The following GABRQ variants were observed in gnomAD, a reference collection of about 807,000 sequenced individuals.
The protein encoded by GABRQ is gamma-aminobutyric acid receptor subunit theta.
Under a neutral mutation model 30.5 loss-of-function variants are expected in GABRQ, and 19 were observed. That is an observed-to-expected ratio of 0.62 (90% CI 0.43 to 0.91). The LOEUF is 0.91. Among genes scored for constraint, GABRQ ranks in the 40% least tolerant of loss-of-function variants. The pLI is 0.00. For synonymous variants in GABRQ, 187 were observed against 210.2 expected, an observed-to-expected ratio of 0.89 and a Z score of 0.95; for missense variants, 520 against 521.4, an observed-to-expected ratio of 1.00 and a Z score of 0.03.
chrX:152,641,161 C>T (rs1383017366), intron 2 of GABRQ, among the ~76,000 whole-genome samples: 1 of 111,880 alleles, frequency 8.9e-6, no homozygotes, highest in East Asian at 2.8e-4. Context: ...ATCAGTTCCT[C>T]CCCCATTTTT....
chrX:152,642,274 C>T (rs1401182119), intron 2 of GABRQ, among the ~76,000 whole-genome samples: 1 of 111,819 alleles, frequency 8.9e-6, no homozygotes, highest in South Asian at 3.8e-4. Context: ...AGGACTCCCC[C>T]ACTAGACACA....
At chrX:152,650,660 A>G in intron 7 of GABRQ, 80 bp downstream of exon 7, 1 of 737,881 alleles carries the variant, frequency 1.4e-6, no homozygotes, top group Non-Finnish European at 2.1e-6. Context: ...AAAAGTACCC[A>G]GAACAGTGTG....
At chrX:152,642,047 GACGTGCAC>G (rs1394079112) in intron 2 of GABRQ, among the ~76,000 whole-genome samples, 1 of 111,586 alleles carries the variant, frequency 9.0e-6, no homozygotes, top group Non-Finnish European at 1.9e-5. Flanking sequence ...AAGCTTTGTG[GACGTGCAC>G]ACCTGCAGCG....
chrX:152,649,173 A>G, intron 4 of GABRQ, 78 bp from the exon 5 acceptor site: 1 of 644,266 alleles, frequency 1.6e-6, no homozygotes, highest in Admixed American at 2.2e-5. Context: ...TTCCCTCCCC[A>G]CCCCTGCAGT....
chrX:152,646,847 A>G (rs1286358399), intron 3 of GABRQ, 101 bp from the exon 4 acceptor site: 1 of 536,044 alleles, frequency 1.9e-6, no homozygotes, highest in African/African-American at 2.3e-5. Context: ...ATACACTTGC[A>G]TACACAAGTG....
chrX:152,644,476 G>A (rs1556818901), intron 2 of GABRQ, among the ~76,000 whole-genome samples: 1 of 112,529 alleles, frequency 8.9e-6, no homozygotes, highest in African/African-American at 3.2e-5. Flanking sequence ...CCACACATGA[G>A]CATTCTCACA....
chrX:152,645,192 T>C (rs1930859712), intron 2 of GABRQ, among the ~76,000 whole-genome samples: 1 of 112,505 alleles, frequency 8.9e-6, no homozygotes, highest in African/African-American at 3.2e-5. Context: ...CAGCCATGAA[T>C]CTTGGCTCCT....
chrX:152,646,020 A>G (rs1930879300), intron 3 of GABRQ, among the ~76,000 whole-genome samples: 1 of 112,736 alleles, frequency 8.9e-6, no homozygotes, highest in Non-Finnish European at 1.9e-5. Flanking sequence ...GAAAGGATCA[A>G]TCACAGTGGA....
chrX:152,646,029 G>A (rs782684226), intron 3 of GABRQ, among the ~76,000 whole-genome samples: 109 of 112,458 alleles, frequency 9.7e-4, no homozygotes, highest in Non-Finnish European at 1.6e-3. Context: ...AATCACAGTG[G>A]ACTAAGATGC....
At chrX:152,645,308 C>T (rs1556819032) in intron 2 of GABRQ, among the ~76,000 whole-genome samples, 1 of 112,008 alleles carries the variant, frequency 8.9e-6, no homozygotes, top group Non-Finnish European at 1.9e-5. Flanking sequence ...CCTTTGCACA[C>T]ATCGTGGGCG....
chrX:152,652,713 T>C lies in GABRQ; in HGVS notation c.1331T>C (p.Leu444Pro). The stretch of plus-strand genomic sequence containing the variant: ...ACTTCTCTCTCAGGCCAGGCCCCCC[T>C]GGCCACTGGAGAAAGCCTGAGCGAT... ...PLTSLSGQAP[L>P]ATGESLSDLP... The change falls in exon 9 of 9, where the codon CTG becomes CCG. Residue 444 changes from leucine to proline, a missense_variant. Transcript: ENST00000598523. 8.3e-7 allele frequency: 1 copy of C among 1,211,198 alleles called. No homozygotes were observed. The highest frequency in any genetic ancestry group is 1.8e-5 in the South Asian group (1 of 56,984).
At position 152,652,548 on chromosome X, in the gene GABRQ, T is replaced by C. The variant is rs2124917831; in HGVS notation, c.1166T>C (p.Leu389Pro). 1 of 1,205,314 alleles carries C rather than the reference T, an allele frequency of 8.3e-7. No homozygotes were observed. Among genetic ancestry groups the C allele is most frequent in the Non-Finnish European group, 1.1e-6 (1 of 891,755 alleles). ...TCCATTATCTCCTCAAAGGATGGCC[T>C]GATTAACGTGGAAGACGGAGTCAGC... Reference protein sequence around the residue: ...QVVVGNVQDGLINVEDGVSSL... With the variant: ...QVVVGNVQDGPINVEDGVSSL... The change falls in exon 9 of 9, where the codon CTG becomes CCG. Residue 389 changes from leucine (L) to proline (P), a missense_variant. Physicochemically the swap from Leu to Pro is moderately conservative, Grantham distance 98 (BLOSUM62 -3). Transcript: ENST00000598523.
In GABRQ at chrX:152,650,537, GT is replaced by G; in HGVS notation, c.862del (p.Trp288GlyfsTer2). ...VLTTITSWIS[F>X]WMNYDSSAAR... ...TCACCACTATTACCTCTTGGATATCGTTTTGGATGAACTATGATTCCTCTGC... is the reference window on the plus strand; with the variant it reads ...TCACCACTATTACCTCTTGGATATCGTTTGGATGAACTATGATTCCTCTGC... On this transcript the variant is annotated frameshift_variant, in exon 7 of 9. Transcript: ENST00000598523. LOFTEE classifies it high-confidence loss of function. 8.3e-7 allele frequency: 1 copy of G among 1,205,712 alleles called. No individual in the cohort carries two copies. The highest frequency in any genetic ancestry group is 1.1e-6 in the Non-Finnish European group (1 of 890,427).
At chrX:152,647,249 C>A in intron 4 of GABRQ, 81 bp downstream of exon 4, 2 of 685,884 alleles carry the variant, frequency 2.9e-6, no homozygotes, top group African/African-American at 2.1e-5. Flanking sequence ...CTCTAAGGGA[C>A]ACACAAAGGC....
At position 152,637,897 on chromosome X, in the gene GABRQ, T is replaced by A. The variant is rs1003212061; in HGVS notation, c.-306T>A. ...GCAGCGAGCTGGGATCTGTGCCCAG[T>A]CGCAGCCAGGAGCGGCCGCAGACGG... On this transcript the variant is annotated 5_prime_UTR_variant, in exon 1 of 9. Coordinates refer to ENST00000598523, the MANE Select transcript of GABRQ (RefSeq NM_018558.4). 2.6e-5 allele frequency among the ~76,000 whole-genome samples: 3 copies of A among 113,266 alleles called. No homozygotes were observed. The highest frequency in any genetic ancestry group is 9.6e-5 in the African/African-American group (3 of 31,250).
Position 152,656,848 on chromosome X carries a change from C to T in GABRQ, c.*3567C>T, listed in dbSNP as rs1556821212. On this transcript the variant is annotated 3_prime_UTR_variant, in exon 9 of 9. Transcript: ENST00000598523. ...TCCATAGCCCAACATCAAAGGAAAT[C>T]GTGACTCGTCCTACTAGAAGTGTAG... is the stretch of plus-strand genomic sequence containing the variant. 1 of 112,195 alleles carries T rather than the reference C, an allele frequency of 8.9e-6. No individual in the cohort carries two copies. The allele number at this position is 112,195 out of a possible 1,213,427, so 9.2% of individuals were successfully genotyped here. A position where few individuals can be genotyped will look rare whatever the true frequency, so the allele number is the denominator to read the frequency against.
chrX:152,647,269 T>C (rs1930913642), intron 4 of GABRQ, 101 bp downstream of exon 4: 1 of 586,737 alleles, frequency 1.7e-6, no homozygotes, highest in African/African-American at 2.3e-5. Context: ...CACCCACTGC[T>C]TTCCAAACCC....
intron 1 of GABRQ, among the ~76,000 whole-genome samples, chrX:152,639,561 T>G (rs1930703432): frequency 9.0e-6 from 1 of 111,697 alleles, no homozygotes; most frequent in Non-Finnish European, 1.9e-5. Context: ...CAGAGATCTC[T>G]GGAAAAGCCA....
At chrX:152,639,378 G>GCGCGCACA (rs202009485) in intron 1 of GABRQ, among the ~76,000 whole-genome samples, 38 of 103,364 alleles carry the variant, frequency 3.7e-4, no homozygotes, top group African/African-American at 1.1e-3. Flanking sequence ...ATGCGCGTGC[G>GCGCGCACA]CACACACACA....
Sources: allele counts gnomAD v4.1 joint callset (sites outside exome capture counted in the v4.1 genomes callset), GRCh38; gene constraint gnomAD v4.1.1; transcripts MANE v1.5; gene names NCBI Gene and HGNC (gene_info 2026-07-23, HGNC 2026-07-21).